Variants in MSI2 observed in about 807,000 individuals in gnomAD.
The protein encoded by MSI2 is musashi RNA binding protein 2, also known as RNA-binding protein Musashi homolog 2.
In MSI2, 17 loss-of-function variants were observed where a neutral mutation model predicts 45.6. That is an observed-to-expected ratio of 0.37 (90% CI 0.26 to 0.56). The LOEUF (loss-of-function observed/expected upper bound fraction) is 0.56. MSI2 is among the 20% of genes least tolerant of loss of function. The pLI is 0.77. For synonymous variants in MSI2, 156 were observed against 158.2 expected, an observed-to-expected ratio of 0.99 and a Z score of 0.11; for missense variants, 293 against 444.2, an observed-to-expected ratio of 0.66 and a Z score of 3.06.
At chr17:57,297,744 C>T (rs1358479279) in intron 5 of MSI2, among the ~76,000 whole-genome samples, 1 of 152,202 alleles carries the variant, frequency 6.6e-6, no homozygotes, top group Admixed American at 6.5e-5. Flanking sequence ...TGCTTTTTCA[C>T]CTACTTTTAG....
chr17:57,600,674 G>A (rs74778144), intron 8 of MSI2, among the ~76,000 whole-genome samples: 8,529 of 152,144 alleles, frequency 0.056, 351 homozygotes, highest in Middle Eastern at 0.11. Flanking sequence ...TGGGAAGTGG[G>A]GATCACAGGA....
chr17:57,264,847 G>T (rs1907634034), intron 5 of MSI2: 1 of 152,230 alleles, frequency 6.6e-6, no homozygotes, highest in African/African-American at 2.4e-5. Flanking sequence ...AGGTCAGCGG[G>T]CTGTGCTGAG....
intron 6 of MSI2, among the ~76,000 whole-genome samples, chr17:57,526,932 T>C (rs1330477829): frequency 6.6e-6 from 1 of 152,014 alleles, no homozygotes; most frequent in South Asian, 2.1e-4. Flanking sequence ...TAAAAACATA[T>C]ACAGATCCTC....
At chr17:57,271,234 C>T (rs1908332124) in intron 5 of MSI2, among the ~76,000 whole-genome samples, 1 of 152,010 alleles carries the variant, frequency 6.6e-6, no homozygotes, top group South Asian at 2.1e-4. Flanking sequence ...CTTTTTTTAG[C>T]CTGTTGTCTG....
chr17:57,267,399 A>G (rs1006635968), intron 5 of MSI2: 1 of 151,736 alleles, frequency 6.6e-6, no homozygotes, highest in African/African-American at 2.4e-5. Flanking sequence ...CTTTCGTTTC[A>G]TTGTTGAGGT....
At chr17:57,310,393 G>A (rs1912294382) in intron 5 of MSI2, among the ~76,000 whole-genome samples, 2 of 151,922 alleles carry the variant, frequency 1.3e-5, no homozygotes, top group Non-Finnish European at 2.9e-5. Context: ...GAGTGCAGTG[G>A]CGTGATCTTG....
intron 5 of MSI2, among the ~76,000 whole-genome samples, chr17:57,287,372 A>C (rs1910004347): frequency 6.6e-6 from 1 of 152,006 alleles, no homozygotes; most frequent in Non-Finnish European, 1.5e-5. Flanking sequence ...CACCCCTTCC[A>C]TGGGTCCCTC....
chr17:57,654,137 G>A (rs954716845), intron 11 of MSI2, among the ~76,000 whole-genome samples: 2 of 152,292 alleles, frequency 1.3e-5, no homozygotes, highest in South Asian at 2.1e-4. Flanking sequence ...CGAGGTGCCC[G>A]CCCCGCCCCA....
At chr17:57,430,923 C>A (rs549266527) in intron 6 of MSI2, among the ~76,000 whole-genome samples, 1 of 152,350 alleles carries the variant, frequency 6.6e-6, no homozygotes, top group African/African-American at 2.4e-5. Context: ...CCCGCCTCTT[C>A]TTCCTGAATT....
rs754092019 is a variant in MSI2, at chr17:57,431,488, G to A, written c.405+30017G>A. 6.2e-4 allele frequency among the ~76,000 whole-genome samples: 95 copies of A among 152,210 alleles called. 4 individuals carry two copies. The highest frequency in any genetic ancestry group is 2.1e-4 in the Non-Finnish European group (14 of 68,046). On this transcript the variant is annotated intron_variant, in intron 6 of 13. Coordinates refer to ENST00000284073, the MANE Select transcript of MSI2 (RefSeq NM_138962.4). ...AGGTGGTAGGTTTGGGGGTCCCAAG[G>A]CCAGCTGTGTTGTAGCATGGTCGGT... is the stretch of plus-strand genomic sequence containing the variant.
intron 11 of MSI2, among the ~76,000 whole-genome samples, chr17:57,674,285 T>C (rs924108423): frequency 1.4e-4 from 1 of 7,308 alleles, no homozygotes; most frequent in Non-Finnish European, 2.8e-4. Flanking sequence ...GGGCGGGTGG[T>C]GGGGGTGGGA....
chr17:57,285,974 G>A, intron 5 of MSI2: 1 of 1,534,464 alleles, frequency 6.5e-7, no homozygotes, highest in Non-Finnish European at 8.7e-7. Flanking sequence ...GAGTGGGAGT[G>A]GAGACCAATC....
intron 11 of MSI2, among the ~76,000 whole-genome samples, chr17:57,663,787 A>C (rs1031010492): frequency 3.3e-5 from 5 of 151,490 alleles, no homozygotes; most frequent in African/African-American, 1.2e-4. Flanking sequence ...AGCCCCCAAG[A>C]CTCCAGTGAC....
chr17:57,554,583 G>T (rs1296924905), intron 7 of MSI2, among the ~76,000 whole-genome samples: 1 of 152,222 alleles, frequency 6.6e-6, no homozygotes, highest in Non-Finnish European at 1.5e-5. Context: ...TTCTATCCGG[G>T]ATGATGTTAT....
chr17:57,558,420 G>A (rs755355128), intron 7 of MSI2, among the ~76,000 whole-genome samples: 4 of 152,194 alleles, frequency 2.6e-5, no homozygotes, highest in Non-Finnish European at 4.4e-5. Flanking sequence ...GAGTAAGTGA[G>A]TGGGGTCAGG....
At chr17:57,347,926 C>T (rs1385463933) in intron 5 of MSI2, among the ~76,000 whole-genome samples, 3 of 152,194 alleles carry the variant, frequency 2.0e-5, no homozygotes, top group South Asian at 2.1e-4. Context: ...CTGACTATGG[C>T]GATAGAGCGG....
At chr17:57,336,530 C>G (rs550108010) in intron 5 of MSI2, among the ~76,000 whole-genome samples, 16 of 152,284 alleles carry the variant, frequency 1.1e-4, no homozygotes, top group Non-Finnish European at 2.9e-5. Context: ...CTGCATTACT[C>G]AATCAGGAAA....
intron 7 of MSI2, among the ~76,000 whole-genome samples, chr17:57,569,139 C>A (rs2087810108): frequency 6.6e-6 from 1 of 152,064 alleles, no homozygotes; most frequent in African/African-American, 2.4e-5. Context: ...GAGATAGGGC[C>A]CCTGGGACTA....
At chr17:57,592,098 G>C (rs1427881643) in intron 7 of MSI2, among the ~76,000 whole-genome samples, 2 of 151,906 alleles carry the variant, frequency 1.3e-5, no homozygotes, top group Non-Finnish European at 2.9e-5. Context: ...CATGAGCCTG[G>C]GAAGTGGAGG....
Sources: gnomAD v4.1 joint callset for allele counts (sites outside exome capture counted in the v4.1 genomes callset) on GRCh38, gnomAD v4.1.1 for gene constraint, MANE v1.5 for transcripts, NCBI Gene and HGNC (gene_info 2026-07-23, HGNC 2026-07-21) for gene names.